The following SLC24A2 variants were observed in gnomAD, a reference collection of about 807,000 sequenced individuals.
SLC24A2 encodes the protein solute carrier family 24 member 2, also known as sodium/potassium/calcium exchanger 2.
SLC24A2 carries 36 observed loss-of-function variants against 62.0 expected under a neutral mutation model. The observed-to-expected ratio is 0.58, with a 90% CI of 0.44 to 0.77. SLC24A2 has a LOEUF of 0.77. Among genes scored for constraint, SLC24A2 ranks in the 30% least tolerant of loss-of-function variants. The pLI is 0.00. For missense variants in SLC24A2, 846 were observed against 817.9 expected (o/e 1.03, Z -0.42); for synonymous variants, 358 against 294.0 (o/e 1.22, Z -2.23).
the SLC24A2 span, among the ~76,000 whole-genome samples, chr9:20,001,772 A>T: frequency 6.6e-6 from 1 of 152,280 alleles, no homozygotes; most frequent in African/African-American, 2.4e-5. Context: ...CTCTGGTTAA[A>T]GGTTGCCTCT....
chr9:19,691,686 T>G (rs549277081), intron 2 of SLC24A2, among the ~76,000 whole-genome samples: 3 of 152,172 alleles, frequency 2.0e-5, no homozygotes, highest in African/African-American at 7.2e-5. Flanking sequence ...TCCTAGTATA[T>G]GTTAAAATAA....
chr9:19,592,691 C>T (rs528223162), intron 5 of SLC24A2, among the ~76,000 whole-genome samples: 1 of 152,158 alleles, frequency 6.6e-6, no homozygotes, highest in African/African-American at 2.4e-5. Context: ...TTTGAACTAG[C>T]ATTCTATATT....
rs1013229702 is a variant in SLC24A2, at chr9:19,603,749, C to G, written c.1079-6470G>C. On this transcript the variant is annotated intron_variant, in intron 4 of 10. Transcript: ENST00000341998. ...TTTCACCTATCTTTCTCATCATTAT[C>G]AAGGTAATCATTTCTAAACACAAAG... is the stretch of plus-strand genomic sequence containing the variant. 3.9e-5 allele frequency among the ~76,000 whole-genome samples: 6 copies of G among 152,160 alleles called. No individual in the cohort carries two copies. In the South Asian group the frequency reaches 1.2e-3, roughly 32 times the overall value.
chr9:19,553,587 T>C (rs1834944881), intron 7 of SLC24A2, among the ~76,000 whole-genome samples: 1 of 152,092 alleles, frequency 6.6e-6, no homozygotes, highest in Non-Finnish European at 1.5e-5. Flanking sequence ...TGGTGGTGTG[T>C]TGGTTGTCAG....
chr9:19,622,527 G>A (rs184221653), intron 2 of SLC24A2, among the ~76,000 whole-genome samples: 1 of 152,096 alleles, frequency 6.6e-6, no homozygotes, highest in Non-Finnish European at 1.5e-5. Context: ...AAAGTTGAAT[G>A]GCCAACCCGA....
the SLC24A2 span, among the ~76,000 whole-genome samples, chr9:20,115,745 T>G: frequency 6.6e-6 from 1 of 152,200 alleles, no homozygotes; most frequent in African/African-American, 2.4e-5. Context: ...TTGAGAGCTC[T>G]GCTTTTCTCC....
the SLC24A2 span, among the ~76,000 whole-genome samples, chr9:19,949,830 T>C: frequency 2.6e-5 from 4 of 152,200 alleles, no homozygotes; most frequent in Non-Finnish European, 4.4e-5. Context: ...ATGGATCACC[T>C]TGTGGAATGA....
At chr9:20,047,987 T>C in the SLC24A2 span, among the ~76,000 whole-genome samples, 2 of 152,132 alleles carry the variant, frequency 1.3e-5, no homozygotes, top group African/African-American at 2.4e-5. Context: ...GGGAAGCCAA[T>C]AGAAGCATGG....
the SLC24A2 span, among the ~76,000 whole-genome samples, chr9:19,917,791 T>A: frequency 1.3e-5 from 2 of 152,160 alleles, no homozygotes; most frequent in Admixed American, 6.5e-5. Flanking sequence ...TATTTGCTTA[T>A]AGTTATTACG....
chr9:19,898,572 C>G, the SLC24A2 span, among the ~76,000 whole-genome samples: 1 of 151,926 alleles, frequency 6.6e-6, no homozygotes, highest in African/African-American at 2.4e-5. Context: ...GAAACTCCAT[C>G]TCTACTAAAA....
chr9:20,298,685 C>G, the SLC24A2 span, among the ~76,000 whole-genome samples: 2 of 152,236 alleles, frequency 1.3e-5, no homozygotes, highest in South Asian at 4.1e-4. Context: ...GTGGGCTAAA[C>G]ACTACACTAA....
In SLC24A2 at chr9:19,623,775, C is replaced by A. The variant is rs557843290; in HGVS notation, c.931-1476G>T. Among the ~76,000 whole-genome samples, 4 of 152,192 alleles carry A rather than the reference C, an allele frequency of 2.6e-5. No individual in the cohort carries two copies. In the South Asian group the frequency reaches 8.3e-4, roughly 32 times the overall value. On this transcript the variant is annotated intron_variant, in intron 2 of 10. Transcript: ENST00000341998. Reference sequence around the variant, plus strand: ...ACCTTTTTGGATTCTGGAGTCAATACCAATGTGTTTTTTTCCCCCTTCTGG... The same window carrying A: ...ACCTTTTTGGATTCTGGAGTCAATAACAATGTGTTTTTTTCCCCCTTCTGG...
chr9:19,650,850 TTTG>T (rs1818781755), intron 2 of SLC24A2, among the ~76,000 whole-genome samples: 1 of 150,186 alleles, frequency 6.7e-6, no homozygotes, highest in East Asian at 2.0e-4. Context: ...TGTGTGTGTG[TTTG>T]TGTGTGTATG....
chr9:20,075,723 C>T, the SLC24A2 span, among the ~76,000 whole-genome samples: 1 of 152,122 alleles, frequency 6.6e-6, no homozygotes, highest in African/African-American at 2.4e-5. Context: ...TGCACTACTG[C>T]ATCCCCAAAT....
At chr9:20,017,295 T>C in the SLC24A2 span, among the ~76,000 whole-genome samples, 1 of 152,204 alleles carries the variant, frequency 6.6e-6, no homozygotes, top group African/African-American at 2.4e-5. Context: ...AGTGCTGGGA[T>C]TGCAGGTGTG....
At chr9:19,593,171 A>G (rs1016671116) in intron 5 of SLC24A2, among the ~76,000 whole-genome samples, 1 of 152,180 alleles carries the variant, frequency 6.6e-6, no homozygotes, top group Non-Finnish European at 1.5e-5. Flanking sequence ...ACTTCCCAAG[A>G]TAAGAAAGAT....
At chr9:19,607,560 A>G (rs1484975354) in intron 4 of SLC24A2, among the ~76,000 whole-genome samples, 2 of 152,060 alleles carry the variant, frequency 1.3e-5, no homozygotes, top group Non-Finnish European at 2.9e-5. Context: ...CTCTACTAAA[A>G]ATACAAAAAT....
At chr9:20,000,613 G>A in the SLC24A2 span, among the ~76,000 whole-genome samples, 3 of 152,160 alleles carry the variant, frequency 2.0e-5, no homozygotes, top group Admixed American at 6.5e-5. Context: ...AGGAACTCAC[G>A]ACACATGGAT....
chr9:19,610,423 T>C (rs940635449), intron 4 of SLC24A2, among the ~76,000 whole-genome samples: 2 of 151,912 alleles, frequency 1.3e-5, no homozygotes, highest in Non-Finnish European at 2.9e-5. Flanking sequence ...TCTGAACATA[T>C]AAAATTAGGC....
Sources: gnomAD v4.1 joint callset for allele counts (sites outside exome capture counted in the v4.1 genomes callset) on GRCh38, gnomAD v4.1.1 for gene constraint, MANE v1.5 for transcripts, NCBI Gene and HGNC (gene_info 2026-07-23, HGNC 2026-07-21) for gene names.